SET: variants seen among roughly 807,000 people sequenced by gnomAD.
The protein encoded by SET is protein SET.
SET carries 4 observed loss-of-function variants against 39.0 expected under a neutral mutation model. The ratio of observed to expected loss-of-function variants is 0.10; its 90% CI spans 0.05 to 0.23. The LOEUF (loss-of-function observed/expected upper bound fraction) is 0.23. Ranked by LOEUF, SET falls within the 10% of genes least tolerant of loss-of-function variation. The pLI, the probability that SET is intolerant of heterozygous loss-of-function variation, is 1.00. For missense variants in SET, 137 were observed against 329.7 expected (o/e 0.42, Z 4.53); for synonymous variants, 114 against 115.9 (o/e 0.98, Z 0.11).
At chr9:128,689,792 G>A (rs1305078330) in intron 1 of SET, 137 bp downstream of exon 1, 1 of 148,760 alleles carries the variant, frequency 6.7e-6, no homozygotes, top group Non-Finnish European at 1.4e-5. Context: ...GCGGGGGCCC[G>A]CGGACTCGGC....
Position 128,689,433 on chromosome 9 carries a change from A to C in SET, c.-150A>C. On this transcript the variant is annotated 5_prime_UTR_variant, in exon 1 of 8. Transcript: ENST00000322030. ...CGAGGGTAGCGCGCGCGAGCGAGCG[A>C]GGGGGAGGGAGAGCGAGCGAGCGCC... 2 of 275,586 alleles carry C rather than the reference A, an allele frequency of 7.3e-6. No homozygotes were observed. Among genetic ancestry groups the C allele is most frequent in the Non-Finnish European group, 6.1e-6 (1 of 163,352 alleles). The allele number at this position is 275,586 out of a possible 1,614,324, so 17.1% of individuals were successfully genotyped here.
At chr9:128,684,888 C>A (rs762404168), upstream of SET, among the ~76,000 whole-genome samples, 8 of 152,178 alleles carry the variant, frequency 5.3e-5, no homozygotes, top group Non-Finnish European at 1.2e-4. Flanking sequence ...GCCCTTCCCC[C>A]CATTAAACTT....
intron 7 of SET, 76 bp downstream of exon 7, chr9:128,694,118 A>ATG: frequency 1.5e-6 from 2 of 1,316,058 alleles, no homozygotes; most frequent in Non-Finnish European, 2.0e-6. Context: ...ATATATATAT[A>ATG]TATAGTGTGG....
chr9:128,690,969 A>G (rs1404154162), intron 1 of SET: 4 of 639,322 alleles, frequency 6.3e-6, no homozygotes, highest in East Asian at 2.8e-5. Context: ...TGAGTAAACC[A>G]GCAGACAGCA....
rs990675968 is a variant in SET, at chr9:128,695,476, T to A, written c.*812T>A. ...TGGAAAGGAAAGATGATGCTCAGTTTTAAACGTTAAAAGTGTACAAGTTGC... is the reference window on the plus strand; with the variant it reads ...TGGAAAGGAAAGATGATGCTCAGTTATAAACGTTAAAAGTGTACAAGTTGC... On this transcript the variant is annotated 3_prime_UTR_variant, in exon 8 of 8. Transcript: ENST00000322030. 3.6e-5 allele frequency: 8 copies of A among 221,970 alleles called. No individual in the cohort carries two copies. Among genetic ancestry groups the A allele is most frequent in the African/African-American group, 1.8e-4 (8 of 44,870 alleles). The allele number at this position is 221,970 out of a possible 1,614,324, so 13.8% of individuals were successfully genotyped here. A position where few individuals can be genotyped will look rare whatever the true frequency, so the allele number is the denominator to read the frequency against.
chr9:128,684,966 A>G (rs947544245), upstream of SET: 3 of 1,323,970 alleles, frequency 2.3e-6, no homozygotes, highest in Non-Finnish European at 3.0e-6. Context: ...TCTGGTGACT[A>G]GGTCTGGCTC....
intron 1 of SET, chr9:128,690,424 C>T (rs1005765972): frequency 1.3e-5 from 2 of 152,458 alleles, no homozygotes; most frequent in African/African-American, 4.8e-5. Flanking sequence ...TTCACACCCA[C>T]TTAGCTTTGT....
chr9:128,691,084 A>C, intron 1 of SET, 86 bp from the exon 2 acceptor site: 1 of 1,076,552 alleles, frequency 9.3e-7, no homozygotes, highest in East Asian at 2.4e-5. Context: ...TTTTTGTTTT[A>C]ATGGCTTTTG....
At position 128,694,237 on chromosome 9, in the gene SET, T is replaced by G. The variant is rs80001369; in HGVS notation, c.810+195T>G. ...TACTAATGTTTAACTAGGTTTTTTT[T>G]GGTTTTTTTTTGGGTTTTTTTGGTT... On this transcript the variant is annotated intron_variant, in intron 7 of 7. Transcript: ENST00000322030. 9.6e-3 allele frequency among the ~76,000 whole-genome samples: 1,403 copies of G among 145,406 alleles called. 9 individuals carry two copies. The highest frequency in any genetic ancestry group is 0.014 in the Middle Eastern group (4 of 286).
intron 3 of SET, 119 bp from the exon 4 acceptor site, chr9:128,692,543 A>T (rs945957327): frequency 1.2e-5 from 8 of 675,080 alleles, no homozygotes; most frequent in Non-Finnish European, 2.1e-5. Context: ...TTTAGTTAAT[A>T]ATGGGTTTAT....
intron 2 of SET, 28 bp from the exon 3 acceptor site, chr9:128,691,830 T>C (rs756110350): frequency 5.5e-5 from 87 of 1,595,590 alleles, no homozygotes; most frequent in Middle Eastern, 3.6e-4. Flanking sequence ...ATACTATCAT[T>C]GTCAACATCT....
Position 128,689,301 on chromosome 9 carries a change from G to A in SET, c.-282G>A, listed in dbSNP as rs1213338056. The A allele has an allele frequency of 2.3e-5, 24 of 1,023,134 alleles. No homozygotes were observed. Among genetic ancestry groups the A allele is most frequent in the Non-Finnish European group, 2.8e-5 (24 of 853,914 alleles). 63.4% of individuals were successfully genotyped at this position (1,023,134 alleles called of 1,614,324 possible). A position where few individuals can be genotyped will look rare whatever the true frequency, so the allele number is the denominator to read the frequency against. On this transcript the variant is annotated 5_prime_UTR_variant, in exon 1 of 8. Coordinates refer to ENST00000322030, the MANE Select transcript of SET (RefSeq NM_003011.4). ...GCTGGCTGGATCGCCGAGCGCGAGTGAGGGAGCCGAGCCGCCCGCCGCCGC... is the reference window on the plus strand; with the variant it reads ...GCTGGCTGGATCGCCGAGCGCGAGTAAGGGAGCCGAGCCGCCCGCCGCCGC...
upstream of SET, among the ~76,000 whole-genome samples, chr9:128,688,136 G>T (rs925548927): frequency 6.6e-6 from 1 of 152,116 alleles, no homozygotes; most frequent in Non-Finnish European, 1.5e-5. Flanking sequence ...GCTTGAACCC[G>T]AGAGGCAGAG....
chr9:128,689,723 G>A, intron 1 of SET, 68 bp downstream of exon 1: 1 of 312,016 alleles, frequency 3.2e-6, no homozygotes. Context: ...CCCGCAGGCC[G>A]CCGGCGGGGC....
chr9:128,692,396 TCAAAAAAAA>T (rs1564360712), intron 3 of SET: 1 of 34,218 alleles, frequency 2.9e-5, no homozygotes, highest in African/African-American at 4.6e-4. Flanking sequence ...TGAGACTGTT[TCAAAAAAAA>T]AAAAAAAAAA....
upstream of SET, among the ~76,000 whole-genome samples, chr9:128,687,533 G>A (rs574948178): frequency 4.0e-5 from 6 of 151,434 alleles, no homozygotes; most frequent in Admixed American, 1.3e-4. Flanking sequence ...ACTTGAACCC[G>A]GGAGGCGGAG....
At chr9:128,690,054 A>G (rs1218290454) in intron 1 of SET, 2 of 950,704 alleles carry the variant, frequency 2.1e-6, no homozygotes, top group South Asian at 4.5e-5. Flanking sequence ...CCCGCGCCCG[A>G]CCTCCCGCGC....
At chr9:128,685,494 G>A (rs572311320), upstream of SET, among the ~76,000 whole-genome samples, 1 of 152,326 alleles carries the variant, frequency 6.6e-6, no homozygotes, top group Admixed American at 6.5e-5. Flanking sequence ...CTGCTTAGTA[G>A]GCACTGATGG....
At chr9:128,684,977 A>G (rs573533505), upstream of SET, 18 of 1,403,262 alleles carry the variant, frequency 1.3e-5, no homozygotes, top group South Asian at 1.4e-4. Context: ...GGTCTGGCTC[A>G]TAGGGGAGGG....
Sources: gnomAD v4.1 joint callset for allele counts (sites outside exome capture counted in the v4.1 genomes callset) on GRCh38, gnomAD v4.1.1 for gene constraint, MANE v1.5 for transcripts, NCBI Gene and HGNC (gene_info 2026-07-23, HGNC 2026-07-21) for gene names.